The following RNF150 variants were observed in gnomAD, a reference collection of about 807,000 sequenced individuals.
RNF150 encodes the protein ring finger protein 150.
In RNF150, 24 loss-of-function variants were observed where a neutral mutation model predicts 39.3. That is an observed-to-expected ratio of 0.61 (90% CI 0.44 to 0.86). RNF150 has a LOEUF of 0.86. Ranked by LOEUF, RNF150 falls within the 40% of genes least tolerant of loss-of-function variation. The pLI, the probability that RNF150 is intolerant of heterozygous loss-of-function variation, is 0.00. For synonymous variants in RNF150, 255 were observed against 227.3 expected (o/e 1.12, Z -1.10); for missense variants, 502 against 587.8 (o/e 0.85, Z 1.51).
chr4:141,183,456 G>T (rs769290438), intron 1 of RNF150, among the ~76,000 whole-genome samples: 4 of 152,078 alleles, frequency 2.6e-5, no homozygotes, highest in Non-Finnish European at 4.4e-5. Context: ...AAAAGTGAGA[G>T]AATTTTGCAG....
intron 1 of RNF150, among the ~76,000 whole-genome samples, chr4:141,103,167 C>T (rs921821904): frequency 4.6e-5 from 7 of 152,168 alleles, no homozygotes; most frequent in Non-Finnish European, 7.4e-5. Context: ...GAGATAAAGA[C>T]TGCTAGAAAC....
At chr4:141,195,738 G>T (rs1209068613) in intron 1 of RNF150, among the ~76,000 whole-genome samples, 1 of 152,168 alleles carries the variant, frequency 6.6e-6, no homozygotes, top group Non-Finnish European at 1.5e-5. Context: ...GTTTAAAAAG[G>T]TTCTATTTTT....
chr4:141,157,080 G>A (rs1218414556), intron 1 of RNF150, among the ~76,000 whole-genome samples: 1 of 152,152 alleles, frequency 6.6e-6, no homozygotes, highest in Non-Finnish European at 1.5e-5. Context: ...GAGATTGGGT[G>A]AGTCCATAGT....
intron 1 of RNF150, among the ~76,000 whole-genome samples, chr4:141,001,733 T>C (rs1362263305): frequency 6.6e-6 from 1 of 152,072 alleles, no homozygotes; most frequent in Non-Finnish European, 1.5e-5. Flanking sequence ...AGGAAATAAA[T>C]GGAAAAGGAG....
rs558707486 is a variant in RNF150 at position 140,993,626 on chromosome 4, T to A, written c.485-25753A>T. Among the ~76,000 whole-genome samples the A allele has an allele frequency of 2.6e-5, 4 of 152,334 alleles. No homozygotes were observed. The East Asian group carries it at 7.7e-4, about 29-fold the overall frequency. On this transcript the variant is annotated intron_variant, in intron 1 of 6. Coordinates refer to ENST00000515673, the MANE Select transcript of RNF150 (RefSeq NM_020724.2). ...GGCCAGCTGTTTATATGGCCTTGTTTATGCAGCCTGGAGAACGAAGATAGT... is the reference window on the plus strand; with the variant it reads ...GGCCAGCTGTTTATATGGCCTTGTTAATGCAGCCTGGAGAACGAAGATAGT...
At chr4:141,149,207 G>A (rs929784745) in intron 1 of RNF150, among the ~76,000 whole-genome samples, 4 of 152,128 alleles carry the variant, frequency 2.6e-5, no homozygotes, top group Non-Finnish European at 5.9e-5. Context: ...CCATGCAATA[G>A]TGTCCTGATA....
chr4:141,067,018 T>C (rs1384281990), intron 1 of RNF150, among the ~76,000 whole-genome samples: 2 of 152,138 alleles, frequency 1.3e-5, no homozygotes, highest in African/African-American at 2.4e-5. Flanking sequence ...TATAACACAA[T>C]GTTATCTGTG....
At chr4:141,122,574 G>A (rs888903612) in intron 1 of RNF150, among the ~76,000 whole-genome samples, 1 of 152,196 alleles carries the variant, frequency 6.6e-6, no homozygotes, top group Non-Finnish European at 1.5e-5. Flanking sequence ...TTGACCTAAG[G>A]AAGTATTCAT....
intron 1 of RNF150, among the ~76,000 whole-genome samples, chr4:141,102,503 TA>T (rs1224246749): frequency 6.6e-6 from 1 of 152,172 alleles, no homozygotes; most frequent in Non-Finnish European, 1.5e-5. Context: ...GTTCTCATAT[TA>T]AAAGAGAGGA....
At chr4:141,000,491 A>G (rs1403870035) in intron 1 of RNF150, among the ~76,000 whole-genome samples, 4 of 152,208 alleles carry the variant, frequency 2.6e-5, no homozygotes, top group Non-Finnish European at 5.9e-5. Flanking sequence ...TAGTTTACCA[A>G]CAAATATATT....
Position 141,095,659 on chromosome 4 carries a change from A to G in RNF150, c.484+36666T>C, listed in dbSNP as rs139948543. 2.3e-3 allele frequency among the ~76,000 whole-genome samples: 352 copies of G among 152,334 alleles called. 1 individual carries two copies. Among genetic ancestry groups the G allele is most frequent in the African/African-American group, 8.0e-3 (333 of 41,584 alleles). ...AGAGCACTGATATATATACCCACAC[A>G]TTTTTGTGTAGTACATAAAGCAGGT... On this transcript the variant is annotated intron_variant, in intron 1 of 6. Transcript: ENST00000515673.
At chr4:141,067,123 A>G (rs1050485306) in intron 1 of RNF150, among the ~76,000 whole-genome samples, 1 of 152,224 alleles carries the variant, frequency 6.6e-6, no homozygotes, top group African/African-American at 2.4e-5. Flanking sequence ...ATCATTACCA[A>G]AATGTTATAT....
chr4:141,011,451 C>T (rs1053831759), intron 1 of RNF150, among the ~76,000 whole-genome samples: 5 of 152,136 alleles, frequency 3.3e-5, no homozygotes, highest in African/African-American at 1.2e-4. Context: ...GTCAGAATAT[C>T]GGATTTATTT....
At position 141,111,928 on chromosome 4, in the gene RNF150, G is replaced by A. The variant is rs368096767; in HGVS notation, c.484+20397C>T. Among the ~76,000 whole-genome samples, 405 of 152,188 alleles carry A rather than the reference G, an allele frequency of 2.7e-3. 1 individual carries two copies. The highest frequency in any genetic ancestry group is 9.5e-3 in the African/African-American group (394 of 41,528). On this transcript the variant is annotated intron_variant, in intron 1 of 6. Transcript: ENST00000515673. ...ATTGGTTTGCAAATGCTAATAGTCTGCAAATTTAGGATGATGACAGTAGGA... is the reference window on the plus strand; with the variant it reads ...ATTGGTTTGCAAATGCTAATAGTCTACAAATTTAGGATGATGACAGTAGGA...
At chr4:140,977,780 T>G (rs372564371) in intron 1 of RNF150, among the ~76,000 whole-genome samples, 1 of 152,166 alleles carries the variant, frequency 6.6e-6, no homozygotes, top group Admixed American at 6.6e-5. Flanking sequence ...TTCATACATT[T>G]CAGAAAAGAA....
chr4:141,186,173 G>C (rs1220789795), intron 1 of RNF150, among the ~76,000 whole-genome samples: 1 of 152,052 alleles, frequency 6.6e-6, no homozygotes, highest in Admixed American at 6.6e-5. Context: ...GGCTTTTTTT[G>C]GTTGGTAGGC....
At chr4:141,025,918 C>G (rs960512075) in intron 1 of RNF150, among the ~76,000 whole-genome samples, 2 of 152,050 alleles carry the variant, frequency 1.3e-5, no homozygotes, top group Admixed American at 1.3e-4. Context: ...GACGTAGGGC[C>G]TTTCAACAAT....
At position 140,867,143 on chromosome 4, in the gene RNF150, A is replaced by C. The variant is rs1419824233; in HGVS notation, c.*1118T>G. 1 of 152,210 alleles carries C rather than the reference A, an allele frequency of 6.6e-6. No homozygotes were observed. Among genetic ancestry groups the C allele is most frequent in the Non-Finnish European group, 1.5e-5 (1 of 68,030 alleles). The allele number at this position is 152,210 out of a possible 1,614,324, so 9.4% of individuals were successfully genotyped here. On this transcript the variant is annotated 3_prime_UTR_variant, in exon 7 of 7. Coordinates refer to ENST00000515673, the MANE Select transcript of RNF150 (RefSeq NM_020724.2). ...GAAGCAATCTGCTAGGGATTCACCT[A>C]AATCCTCCCACATGGTCTGGTGAGA...
intron 1 of RNF150, among the ~76,000 whole-genome samples, chr4:141,081,026 C>T (rs994284684): frequency 8.5e-5 from 13 of 152,106 alleles, no homozygotes; most frequent in African/African-American, 7.2e-5. Context: ...CAGAGCAGCA[C>T]GACTTCTAAA....
Sources: allele counts gnomAD v4.1 joint callset (sites outside exome capture counted in the v4.1 genomes callset), GRCh38; gene constraint gnomAD v4.1.1; transcripts MANE v1.5; gene names NCBI Gene and HGNC (gene_info 2026-07-23, HGNC 2026-07-21).